The following FAM107B variants were observed in gnomAD, a reference collection of about 807,000 sequenced individuals.
FAM107B encodes family with sequence similarity 107 member B, also known as protein FAM107B.
FAM107B carries 21 observed loss-of-function variants against 31.5 expected under a neutral mutation model. The ratio of observed to expected loss-of-function variants is 0.67; its 90% CI spans 0.47 to 0.96. FAM107B has a LOEUF of 0.96. Among genes scored for constraint, FAM107B ranks in the 40% least tolerant of loss-of-function variants. FAM107B has a pLI of 0.00. For synonymous variants in FAM107B, 157 were observed against 141.5 expected, an observed-to-expected ratio of 1.11 and a Z score of -0.78; for missense variants, 452 against 377.1, an observed-to-expected ratio of 1.20 and a Z score of -1.64.
intron 2 of FAM107B, among the ~76,000 whole-genome samples, chr10:14,592,493 G>C (rs971357032): frequency 6.6e-6 from 1 of 152,160 alleles, no homozygotes; most frequent in Non-Finnish European, 1.5e-5. Context: ...ACACCTAACA[G>C]GTGGCTTAGA....
Position 14,774,719 on chromosome 10 carries a change from C to T in FAM107B, c.-56G>A. 5 of 1,543,054 alleles carry T rather than the reference C, an allele frequency of 3.2e-6. No homozygotes were observed. The highest frequency in any genetic ancestry group is 2.3e-5 in the East Asian group (1 of 44,324). ...CGGGGCAAGGAAATTTTCCAGGGGT[C>T]CACATCACCTCCACTTTGCTTATAG... On this transcript the variant is annotated 5_prime_UTR_variant, in exon 1 of 5. The change creates a premature stop within an existing upstream ORF in the 5' untranslated region. Transcript: ENST00000181796.
At chr10:14,626,664 C>A (rs1324441474) in intron 2 of FAM107B, among the ~76,000 whole-genome samples, 1 of 152,060 alleles carries the variant, frequency 6.6e-6, no homozygotes, top group African/African-American at 2.4e-5. Context: ...CCACCACACC[C>A]GGCTAATTTT....
At chr10:14,721,918 C>A (rs1384955939) in intron 1 of FAM107B, among the ~76,000 whole-genome samples, 2 of 152,302 alleles carry the variant, frequency 1.3e-5, no homozygotes, top group East Asian at 3.9e-4. Context: ...GAAGTCCTCG[C>A]CCATGCCTAT....
intron 2 of FAM107B, among the ~76,000 whole-genome samples, chr10:14,584,158 A>G (rs1851747816): frequency 6.6e-6 from 1 of 152,190 alleles, no homozygotes; most frequent in Non-Finnish European, 1.5e-5. Flanking sequence ...CACCTAAATA[A>G]GCAGCAACAC....
At chr10:14,760,154 G>A (rs542386946) in intron 1 of FAM107B, among the ~76,000 whole-genome samples, 1 of 152,226 alleles carries the variant, frequency 6.6e-6, no homozygotes, top group South Asian at 2.1e-4. Flanking sequence ...CTTGAAGAAG[G>A]AACTGTGTAT....
chr10:14,687,900 G>C (rs573126145), intron 1 of FAM107B, among the ~76,000 whole-genome samples: 6 of 152,254 alleles, frequency 3.9e-5, no homozygotes, highest in African/African-American at 1.4e-4. Flanking sequence ...AATGCGCTGT[G>C]ATGGTAATAC....
chr10:14,645,151 A>C (rs936421490), intron 2 of FAM107B, among the ~76,000 whole-genome samples: 2 of 152,218 alleles, frequency 1.3e-5, no homozygotes, highest in South Asian at 4.1e-4. Context: ...ACTTAGTTAC[A>C]ACAGGGCCCC....
intron 1 of FAM107B, among the ~76,000 whole-genome samples, chr10:14,672,802 G>A (rs1854592283): frequency 6.6e-6 from 1 of 152,136 alleles, no homozygotes; most frequent in African/African-American, 2.4e-5. Context: ...AAGAAAGAAG[G>A]AAGGAATAAA....
chr10:14,617,649 G>C (rs1258288578), intron 2 of FAM107B, among the ~76,000 whole-genome samples: 1 of 151,322 alleles, frequency 6.6e-6, no homozygotes, highest in Non-Finnish European at 1.5e-5. Context: ...TGTAAAGCAA[G>C]AGCAAGCTGT....
intron 2 of FAM107B, among the ~76,000 whole-genome samples, chr10:14,545,339 A>T (rs192741142): frequency 6.6e-6 from 1 of 152,092 alleles, no homozygotes; most frequent in African/African-American, 2.4e-5. Context: ...TCACCTTCAT[A>T]GTGGTTTAGC....
At chr10:14,764,456 T>C (rs1833122430) in intron 1 of FAM107B, among the ~76,000 whole-genome samples, 1 of 152,204 alleles carries the variant, frequency 6.6e-6, no homozygotes, top group South Asian at 2.1e-4. Flanking sequence ...AACAAGATCA[T>C]AAACACCTCC....
intron 2 of FAM107B, among the ~76,000 whole-genome samples, chr10:14,565,954 C>T (rs999830296): frequency 1.6e-4 from 24 of 152,210 alleles, no homozygotes; most frequent in Non-Finnish European, 2.4e-4. Flanking sequence ...CCCTGTGGAA[C>T]TCGCAGCAGG....
intron 2 of FAM107B, among the ~76,000 whole-genome samples, chr10:14,628,338 A>C (rs998953617): frequency 4.6e-5 from 7 of 151,844 alleles, no homozygotes; most frequent in Non-Finnish European, 1.0e-4. Context: ...GGCTAGTCTC[A>C]AACTCCTGAC....
intron 2 of FAM107B, chr10:14,572,422 C>T (rs183113034): frequency 1.3e-5 from 13 of 985,236 alleles, no homozygotes; most frequent in African/African-American, 5.2e-5. Flanking sequence ...GACAAGTTCT[C>T]GCACTTCTTA....
chr10:14,524,034 A>ATTT (rs11288279), intron 3 of FAM107B, among the ~76,000 whole-genome samples: 2 of 123,412 alleles, frequency 1.6e-5, no homozygotes, highest in Admixed American at 8.2e-5. Context: ...GCCCAGCTCT[A>ATTT]TTTTTTTTTT....
intron 2 of FAM107B, among the ~76,000 whole-genome samples, chr10:14,627,003 C>G (rs1853183115): frequency 6.6e-6 from 1 of 152,164 alleles, no homozygotes; most frequent in Non-Finnish European, 1.5e-5. Flanking sequence ...TATGTTCCCT[C>G]TTCTCATCAA....
At chr10:14,654,498 T>C (rs1853988641) in intron 2 of FAM107B, among the ~76,000 whole-genome samples, 1 of 152,160 alleles carries the variant, frequency 6.6e-6, no homozygotes, top group East Asian at 1.9e-4. Context: ...GCTCTCATCA[T>C]CTCTCTGTGG....
chr10:14,555,787 G>A (rs1005444391), intron 2 of FAM107B: 1 of 152,156 alleles, frequency 6.6e-6, no homozygotes, highest in Non-Finnish European at 1.5e-5. Flanking sequence ...CCTTCAGAAG[G>A]CAAGTTTACC....
intron 1 of FAM107B, among the ~76,000 whole-genome samples, chr10:14,737,766 T>TTCGCTTTC (rs1856336655): frequency 7.9e-6 from 1 of 127,050 alleles, no homozygotes; most frequent in Non-Finnish European, 1.6e-5. Context: ...CGTGCACGCT[T>TTCGCTTTC]TCTCTCTCTC....
Sources: allele counts gnomAD v4.1 joint callset (sites outside exome capture counted in the v4.1 genomes callset), GRCh38; gene constraint gnomAD v4.1.1; transcripts MANE v1.5; gene names NCBI Gene and HGNC (gene_info 2026-07-23, HGNC 2026-07-21).